Variants in DARS1 observed in about 807,000 individuals in gnomAD.
The protein encoded by DARS1 is aspartate--tRNA ligase, cytoplasmic.
A neutral mutation model predicts 68.8 loss-of-function variants in DARS1; 51 were observed. The ratio of observed to expected loss-of-function variants is 0.74; its 90% CI spans 0.59 to 0.94. The LOEUF is 0.94. DARS1 is among the 40% of genes least tolerant of loss of function. The pLI, the probability that DARS1 is intolerant of heterozygous loss-of-function variation, is 0.00. For missense variants in DARS1, 607 were observed against 597.3 expected, an observed-to-expected ratio of 1.02 and a Z score of -0.17; for synonymous variants, 203 against 190.4, an observed-to-expected ratio of 1.07 and a Z score of -0.55.
chr2:135,915,188 T>G (rs1165970861), intron 11 of DARS1, among the ~76,000 whole-genome samples: 1 of 152,214 alleles, frequency 6.6e-6, no homozygotes, highest in African/African-American at 2.4e-5. Flanking sequence ...AATCATTTCC[T>G]TTCCCTCCTA....
chr2:135,911,813 T>C (rs986152980), intron 13 of DARS1, among the ~76,000 whole-genome samples: 1 of 152,250 alleles, frequency 6.6e-6, no homozygotes, highest in Non-Finnish European at 1.5e-5. Context: ...GGGGTGACTT[T>C]TGGAACTCCA....
chr2:135,982,742 A>G (rs1682666048), intron 2 of DARS1, among the ~76,000 whole-genome samples: 1 of 152,128 alleles, frequency 6.6e-6, no homozygotes, highest in Admixed American at 6.6e-5. Context: ...GTGGGGGTGG[A>G]GGCTTTAAAA....
chr2:135,915,870 C>T (rs1331304182), intron 11 of DARS1, among the ~76,000 whole-genome samples: 1 of 151,842 alleles, frequency 6.6e-6, no homozygotes, highest in African/African-American at 2.4e-5. Flanking sequence ...TAAAGAGTTA[C>T]AAACATGAGG....
intron 9 of DARS1, among the ~76,000 whole-genome samples, chr2:135,921,288 C>A (rs1188972171): frequency 6.6e-6 from 1 of 151,414 alleles, no homozygotes; most frequent in African/African-American, 2.4e-5. Context: ...ACCAAAAAAA[C>A]CCTAAAACCT....
chr2:135,935,363 G>A (rs537156414), intron 5 of DARS1, among the ~76,000 whole-genome samples: 2 of 151,938 alleles, frequency 1.3e-5, no homozygotes, highest in Admixed American at 6.6e-5. Context: ...TTGGGAGGCC[G>A]AGGCAGGCGG....
At chr2:135,919,573 T>C (rs917202788) in intron 10 of DARS1, among the ~76,000 whole-genome samples, 1 of 152,114 alleles carries the variant, frequency 6.6e-6, no homozygotes, top group Non-Finnish European at 1.5e-5. Context: ...GAGGGAAAAA[T>C]AGAGACTTTC....
At chr2:135,909,543 C>A (rs1424943485) in intron 15 of DARS1, among the ~76,000 whole-genome samples, 1 of 152,132 alleles carries the variant, frequency 6.6e-6, no homozygotes, top group Admixed American at 6.5e-5. Context: ...AATGGATCTC[C>A]AGAACTTAAT....
chr2:135,939,898 G>C (rs140910071), intron 5 of DARS1, among the ~76,000 whole-genome samples: 24,382 of 152,030 alleles, frequency 0.16, 2,224 homozygotes, highest in Middle Eastern at 0.4. Context: ...AAATAAACTA[G>C]AAAGTCTAGA....
chr2:135,918,518 G>T (rs1681050624), intron 10 of DARS1, among the ~76,000 whole-genome samples: 1 of 152,086 alleles, frequency 6.6e-6, no homozygotes, highest in Admixed American at 6.6e-5. Flanking sequence ...ATTCCTAAAT[G>T]ACTTGAAGAA....
intron 4 of DARS1, among the ~76,000 whole-genome samples, chr2:135,949,694 T>C (rs897014517): frequency 2.0e-5 from 3 of 152,224 alleles, no homozygotes; most frequent in Non-Finnish European, 4.4e-5. Context: ...CATGAGAAAA[T>C]TGATCTTTCC....
chr2:135,941,478 C>T (rs556823283), intron 5 of DARS1, among the ~76,000 whole-genome samples: 20 of 152,018 alleles, frequency 1.3e-4, no homozygotes, highest in Non-Finnish European at 2.5e-4. Flanking sequence ...GAAACTGGAT[C>T]CCTTCCTTAC....
At chr2:135,964,666 C>T (rs536576311) in intron 3 of DARS1, among the ~76,000 whole-genome samples, 36 of 151,940 alleles carry the variant, frequency 2.4e-4, no homozygotes, top group Admixed American at 6.6e-4. Flanking sequence ...CGTGGTGAAA[C>T]CCCATCTCTA....
At chr2:135,935,842 CT>C (rs1406997204) in intron 5 of DARS1, among the ~76,000 whole-genome samples, 1 of 152,166 alleles carries the variant, frequency 6.6e-6, no homozygotes, top group Non-Finnish European at 1.5e-5. Context: ...GGGAATTATA[CT>C]CTTCTAGTTG....
intron 4 of DARS1, among the ~76,000 whole-genome samples, chr2:135,945,930 G>T (rs1026648492): frequency 4.6e-5 from 7 of 152,032 alleles, no homozygotes; most frequent in African/African-American, 1.7e-4. Context: ...AACCTATTTA[G>T]ACATTAGTAA....
At chr2:135,910,123 A>G (rs1386054845) in intron 15 of DARS1, among the ~76,000 whole-genome samples, 1 of 152,202 alleles carries the variant, frequency 6.6e-6, no homozygotes, top group Non-Finnish European at 1.5e-5. Flanking sequence ...GCTGCATTGA[A>G]CATCAGAGTG....
chr2:135,985,263 A>C (rs1305600489), intron 1 of DARS1, 140 bp downstream of exon 1: 3 of 1,368,158 alleles, frequency 2.2e-6, no homozygotes, highest in Non-Finnish European at 2.9e-6. Context: ...CAAGGGCTCT[A>C]GGCGCCCGGA....
rs527362431 is a variant in DARS1 at position 135,916,364 on chromosome 2, G to C, written c.968C>G (p.Thr323Ser). Residue 323 changes from threonine (T) to serine (S), a missense_variant, in exon 11 of 16, where the codon ACT becomes AGT. Physicochemically the swap from Thr to Ser is moderately conservative, Grantham distance 58. Coordinates refer to ENST00000264161, the MANE Select transcript of DARS1 (RefSeq NM_001349.4). ...CTGTTTATTCACTGTTTGAATTTCA[G>C]TCTGAAACCTATTTGCAGAATGATT... ...IFKGLQERFQ[T>S]EIQTVNKQFP... The C allele has an allele frequency of 1.6e-5, 24 of 1,520,768 alleles. No homozygotes were observed. In the East Asian group the frequency reaches 5.2e-4, roughly 33 times the overall value. The allele number at this position is 1,520,768 out of a possible 1,614,324, so 94.2% of individuals were successfully genotyped here.
chr2:135,939,482 C>A (rs1681546459), intron 5 of DARS1, among the ~76,000 whole-genome samples: 1 of 152,120 alleles, frequency 6.6e-6, no homozygotes. Context: ...ACACAACATA[C>A]CAGAATCTCT....
chr2:135,970,916 A>G (rs1322739436), intron 3 of DARS1, among the ~76,000 whole-genome samples: 3 of 152,202 alleles, frequency 2.0e-5, no homozygotes, highest in East Asian at 1.9e-4. Context: ...CCAAAATCTG[A>G]GCAGACCAGT....
Sources: gnomAD v4.1 joint callset for allele counts (sites outside exome capture counted in the v4.1 genomes callset) on GRCh38, gnomAD v4.1.1 for gene constraint, MANE v1.5 for transcripts, NCBI Gene and HGNC (gene_info 2026-07-23, HGNC 2026-07-21) for gene names.